Variants in SLC5A12 observed in about 807,000 individuals in gnomAD.
The protein encoded by SLC5A12 is sodium-coupled monocarboxylate transporter 2.
A neutral mutation model predicts 72.7 loss-of-function variants in SLC5A12; 46 were observed. That is an observed-to-expected ratio of 0.63 (90% CI 0.50 to 0.81). The LOEUF (loss-of-function observed/expected upper bound fraction) is 0.81. SLC5A12 is among the 30% of genes least tolerant of loss of function. The pLI is 0.00. For missense variants in SLC5A12, 683 were observed against 740.7 expected (o/e 0.92, Z 0.90); for synonymous variants, 275 against 264.4 (o/e 1.04, Z -0.39).
rs1373167047 is a variant in SLC5A12 at position 26,670,744 on chromosome 11, T to C, written c.*358A>G. Reference sequence around the variant, plus strand: ...TTCTGCCTCTAAACTCCAAGATATTTTGATGGTTAAAAAACTACTAAAACG... The same window carrying C: ...TTCTGCCTCTAAACTCCAAGATATTCTGATGGTTAAAAAACTACTAAAACG... On this transcript the variant is annotated 3_prime_UTR_variant, in exon 15 of 15. Coordinates refer to ENST00000396005, the MANE Select transcript of SLC5A12 (RefSeq NM_178498.4). The C allele has an allele frequency of 6.1e-6, 1 of 163,668 alleles. No homozygotes were observed. Among genetic ancestry groups the C allele is most frequent in the African/African-American group, 2.4e-5 (1 of 41,938 alleles). 10.1% of individuals were successfully genotyped at this position (163,668 alleles called of 1,614,324 possible). A position where few individuals can be genotyped will look rare whatever the true frequency, so the allele number is the denominator to read the frequency against.
intron 4 of SLC5A12, chr11:26,709,099 G>A: frequency 2.6e-6 from 1 of 389,724 alleles, no homozygotes; most frequent in Non-Finnish European, 4.6e-6. Context: ...TTTCTTGAAT[G>A]AGTGCAGAGA....
intron 1 of SLC5A12, among the ~76,000 whole-genome samples, chr11:26,720,567 T>TA (rs1021445351): frequency 1.0e-4 from 15 of 150,556 alleles, no homozygotes; most frequent in Non-Finnish European, 2.2e-4. Flanking sequence ...CTTACATATT[T>TA]AAAAAAAAAT....
At chr11:26,675,330 A>C (rs1187948459) in intron 13 of SLC5A12, among the ~76,000 whole-genome samples, 1 of 146,136 alleles carries the variant, frequency 6.8e-6, no homozygotes, top group African/African-American at 2.4e-5. Context: ...ATGGTAAAGC[A>C]AAGTATAGGG....
At position 26,721,606 on chromosome 11, in the gene SLC5A12, T is replaced by C. The variant is rs1855482594; in HGVS notation, c.109A>G (p.Thr37Ala). The change falls in exon 1 of 15, where the codon ACT (threonine) becomes GCT (alanine). Residue 37 changes from threonine (T) to alanine (A), a missense_variant. By Grantham distance (58) the Thr-to-Ala change is moderately conservative. Coordinates refer to ENST00000396005, the MANE Select transcript of SLC5A12 (RefSeq NM_178498.4). ...FFAIKERKKA[T>A]SREFLVGGRQ... ...CCCCCAACCAGGAACTCTCGGGAAG[T>C]TGCCTTTTTTCTCTCCTTAATGGCA... 3 of 1,614,146 alleles carry C rather than the reference T, an allele frequency of 1.9e-6. No homozygotes were observed. The highest frequency in any genetic ancestry group is 1.7e-6 in the Non-Finnish European group (2 of 1,180,030).
chr11:26,720,421 A>AT (rs1855452968), intron 1 of SLC5A12, among the ~76,000 whole-genome samples: 1 of 152,064 alleles, frequency 6.6e-6, no homozygotes, highest in Non-Finnish European at 1.5e-5. Flanking sequence ...CTTAATGAGT[A>AT]TTTACTGAGT....
chr11:26,681,991 G>A (rs1181968510), intron 11 of SLC5A12, among the ~76,000 whole-genome samples: 4 of 151,948 alleles, frequency 2.6e-5, no homozygotes, highest in African/African-American at 9.7e-5. Flanking sequence ...ATCAGTGTGT[G>A]TGATTTGAAT....
At chr11:26,709,808 A>G (rs1336867906) in intron 3 of SLC5A12, among the ~76,000 whole-genome samples, 4 of 152,132 alleles carry the variant, frequency 2.6e-5, no homozygotes, top group Non-Finnish European at 4.4e-5. Flanking sequence ...TTGAATTTTT[A>G]TTCAAACAAC....
At chr11:26,712,185 T>A (rs1447933020) in intron 2 of SLC5A12, among the ~76,000 whole-genome samples, 1 of 151,582 alleles carries the variant, frequency 6.6e-6, no homozygotes, top group Non-Finnish European at 1.5e-5. Context: ...GGGAAAGGAG[T>A]TCATAAGAAA....
chr11:26,682,802 A>G (rs957714630), intron 11 of SLC5A12, among the ~76,000 whole-genome samples: 2 of 152,150 alleles, frequency 1.3e-5, no homozygotes, highest in Admixed American at 1.3e-4. Context: ...CCCTCACATT[A>G]TCTCCCCAAA....
chr11:26,707,694 T>C (rs973051677), intron 4 of SLC5A12, among the ~76,000 whole-genome samples: 6 of 152,094 alleles, frequency 3.9e-5, no homozygotes, highest in African/African-American at 1.4e-4. Context: ...TCTATTCTCT[T>C]ATTCAGTATC....
In SLC5A12 at chr11:26,670,024, C is replaced by G. The variant is rs1020443993; in HGVS notation, c.*1078G>C. On this transcript the variant is annotated 3_prime_UTR_variant, in exon 15 of 15. Transcript: ENST00000396005. ...CTTTCACTGCTCCTTCATTTGTCAA[C>G]TCGCCTTTTAATCTGCAATACCCTC... 6.6e-6 allele frequency: 1 copy of G among 152,092 alleles called. No individual in the cohort carries two copies. The highest frequency in any genetic ancestry group is 2.4e-5 in the African/African-American group (1 of 41,436). The allele number at this position is 152,092 out of a possible 1,614,324, so 9.4% of individuals were successfully genotyped here.
Position 26,703,887 on chromosome 11 carries a change from A to G in SLC5A12, c.586T>C (p.Phe196Leu), listed in dbSNP as rs753288022. The change falls in exon 5 of 15, where the codon TTC (phenylalanine) becomes CTC (leucine). Residue 196 changes from phenylalanine (F) to leucine (L), a missense_variant. Transcript: ENST00000396005. ...AFQMVVMIVG[F>L]LTVLIQGSTH... ...GATCCTTGAATGAGAACCGTTAAGAAGCCCACAATCATGACAACCATCTGA... is the reference window on the plus strand; with the variant it reads ...GATCCTTGAATGAGAACCGTTAAGAGGCCCACAATCATGACAACCATCTGA... 1.1e-5 allele frequency: 18 copies of G among 1,613,964 alleles called. No homozygotes were observed. In the South Asian group the frequency reaches 1.9e-4, roughly 17 times the overall value.
intron 8 of SLC5A12, among the ~76,000 whole-genome samples, chr11:26,694,774 C>G (rs1173192848): frequency 6.6e-6 from 1 of 152,138 alleles, no homozygotes; most frequent in Non-Finnish European, 1.5e-5. Context: ...AAATATACCA[C>G]TCAGATAAAC....
At chr11:26,706,479 G>A (rs1855092259) in intron 4 of SLC5A12, among the ~76,000 whole-genome samples, 1 of 151,954 alleles carries the variant, frequency 6.6e-6, no homozygotes, top group African/African-American at 2.4e-5. Flanking sequence ...AAAAATATCT[G>A]GATGTTTCTG....
intron 1 of SLC5A12, among the ~76,000 whole-genome samples, chr11:26,714,107 A>AC (rs989695844): frequency 7.3e-5 from 4 of 54,508 alleles, no homozygotes; most frequent in Non-Finnish European, 3.8e-4. Context: ...TTCAAAACGA[A>AC]CAAAAAAAAA....
chr11:26,721,634 G>T lies in SLC5A12; in HGVS notation c.81C>A (p.Phe27Leu). 1 of 1,614,102 alleles carries T rather than the reference G, an allele frequency of 6.2e-7. No individual in the cohort carries two copies. Among genetic ancestry groups the T allele is most frequent in the Non-Finnish European group, 8.5e-7 (1 of 1,180,024 alleles). ...LFFISSGIGV[F>L]FAIKERKKAT... ...CCTTTTTTCTCTCCTTAATGGCAAA[G>T]AACACCCCAATTCCAGAGGAAATGA... The change falls in exon 1 of 15, where the codon TTC (phenylalanine) becomes TTA (leucine). Residue 27 changes from phenylalanine (F) to leucine (L), a missense_variant. Phe to Leu is a conservative substitution (Grantham distance 22, BLOSUM62 0). Transcript: ENST00000396005.
intron 11 of SLC5A12, 41 bp downstream of exon 11, chr11:26,683,716 G>A: frequency 6.5e-7 from 1 of 1,527,506 alleles, no homozygotes; most frequent in Non-Finnish European, 8.9e-7. Flanking sequence ...GCTGGGCCCA[G>A]TTTTGACTGG....
chr11:26,705,052 A>G (rs1020471358), intron 4 of SLC5A12, among the ~76,000 whole-genome samples: 7 of 151,622 alleles, frequency 4.6e-5, no homozygotes, highest in Non-Finnish European at 1.5e-5. Flanking sequence ...TGGTTATGAA[A>G]CCCAGCTCCC....
chr11:26,720,198 G>A (rs1193280415), intron 1 of SLC5A12, among the ~76,000 whole-genome samples: 1 of 152,116 alleles, frequency 6.6e-6, no homozygotes, highest in African/African-American at 2.4e-5. Context: ...CTACGAGAAT[G>A]CCTAGAACAA....
Sources: gnomAD v4.1 joint callset for allele counts (sites outside exome capture counted in the v4.1 genomes callset) on GRCh38, gnomAD v4.1.1 for gene constraint, MANE v1.5 for transcripts, NCBI Gene and HGNC (gene_info 2026-07-23, HGNC 2026-07-21) for gene names.